Variants in AFG2A observed in about 807,000 individuals in gnomAD.
AFG2A encodes the protein AAA ATPase AFG2A.
the AFG2A span, among the ~76,000 whole-genome samples, chr4:123,220,911 T>G: frequency 6.6e-6 from 1 of 152,198 alleles, no homozygotes; most frequent in Non-Finnish European, 1.5e-5. Flanking sequence ...GTGTCCTAAC[T>G]TCATAAATTT....
At chr4:123,123,267 A>G in the AFG2A span, among the ~76,000 whole-genome samples, 1 of 152,186 alleles carries the variant, frequency 6.6e-6, no homozygotes, top group South Asian at 2.1e-4. Context: ...ATTTTATTTA[A>G]TAATATCATA....
the AFG2A span, among the ~76,000 whole-genome samples, chr4:123,023,738 C>G: frequency 6.6e-6 from 1 of 152,014 alleles, no homozygotes; most frequent in Non-Finnish European, 1.5e-5. Flanking sequence ...ACACGGGCTC[C>G]GAGCAAGATG....
chr4:123,196,764 C>T, the AFG2A span, among the ~76,000 whole-genome samples: 1 of 152,254 alleles, frequency 6.6e-6, no homozygotes, highest in South Asian at 2.1e-4. Context: ...GAAACAATGT[C>T]ACTGTAATTT....
chr4:123,107,864 C>G, the AFG2A span, among the ~76,000 whole-genome samples: 2 of 152,242 alleles, frequency 1.3e-5, no homozygotes, highest in Non-Finnish European at 2.9e-5. Context: ...TGACAGCACC[C>G]AGGCTTGGCC....
chr4:123,047,382 ATCTT>A, the AFG2A span, among the ~76,000 whole-genome samples: 1 of 110,096 alleles, frequency 9.1e-6, no homozygotes, highest in South Asian at 3.8e-4. Flanking sequence ...GTTATTGGCC[ATCTT>A]TCTTTTGCGC....
chr4:123,007,427 G>A, the AFG2A span, among the ~76,000 whole-genome samples: 16 of 151,260 alleles, frequency 1.1e-4, no homozygotes, highest in South Asian at 4.2e-4. Flanking sequence ...CCACTTTTCC[G>A]TCACACACAG....
At chr4:123,141,593 C>T in the AFG2A span, among the ~76,000 whole-genome samples, 1 of 152,178 alleles carries the variant, frequency 6.6e-6, no homozygotes, top group Non-Finnish European at 1.5e-5. Flanking sequence ...CTGGGCTAAG[C>T]TATGATGTTC....
chr4:122,938,068 AAGTAAAACTT>A, the AFG2A span: 1 of 1,455,118 alleles, frequency 6.9e-7, no homozygotes, highest in Admixed American at 2.5e-5. Flanking sequence ...AATTAAAACT[AAGTAAAACTT>A]AAAATCAAAT....
the AFG2A span, among the ~76,000 whole-genome samples, chr4:123,290,258 T>C: frequency 6.6e-6 from 1 of 152,218 alleles, no homozygotes; most frequent in Non-Finnish European, 1.5e-5. Flanking sequence ...GAGGTTTTAG[T>C]CATGAATTCT....
chr4:123,104,404 C>G, the AFG2A span, among the ~76,000 whole-genome samples: 3 of 152,144 alleles, frequency 2.0e-5, no homozygotes, highest in African/African-American at 7.2e-5. Context: ...CCTCCCTACT[C>G]CCTGAGACAC....
the AFG2A span, among the ~76,000 whole-genome samples, chr4:123,071,475 C>T: frequency 9.7e-5 from 10 of 103,428 alleles, 1 homozygote; most frequent in East Asian, 6.2e-4. Context: ...AGCGAAACTC[C>T]GTCCCCCTCC....
the AFG2A span, among the ~76,000 whole-genome samples, chr4:123,136,504 T>TA: frequency 0.024 from 3,526 of 144,738 alleles, 114 homozygotes; most frequent in African/African-American, 0.077. Context: ...CCGTCTCTAC[T>TA]AAAAAAAAAA....
At chr4:122,989,350 G>A in the AFG2A span, among the ~76,000 whole-genome samples, 9 of 152,270 alleles carry the variant, frequency 5.9e-5, no homozygotes, top group South Asian at 1.9e-3. Flanking sequence ...GGGTCAGCAG[G>A]TGGATGGTCT....
the AFG2A span, among the ~76,000 whole-genome samples, chr4:123,024,674 C>T: frequency 5.9e-5 from 9 of 152,220 alleles, no homozygotes; most frequent in Admixed American, 5.2e-4. Context: ...AGCCTTAACC[C>T]CCAGCAAGGG....
At chr4:123,162,895 A>T in the AFG2A span, among the ~76,000 whole-genome samples, 2 of 152,198 alleles carry the variant, frequency 1.3e-5, no homozygotes, top group Admixed American at 1.3e-4. Context: ...ATACAGATTA[A>T]TAATAATGTT....
the AFG2A span, among the ~76,000 whole-genome samples, chr4:123,036,491 T>C: frequency 9.7e-3 from 1,470 of 152,214 alleles, 14 homozygotes; most frequent in Non-Finnish European, 0.016. Flanking sequence ...GGATGATTAT[T>C]TCGAGAGATG....
At chr4:123,235,242 A>T in the AFG2A span, among the ~76,000 whole-genome samples, 3 of 152,146 alleles carry the variant, frequency 2.0e-5, no homozygotes, top group Admixed American at 6.6e-5. Flanking sequence ...CATACTCATG[A>T]CTATTTTATG....
chr4:123,107,569 C>G, the AFG2A span, among the ~76,000 whole-genome samples: 1 of 152,308 alleles, frequency 6.6e-6, no homozygotes, highest in East Asian at 1.9e-4. Flanking sequence ...AACTGGCAGC[C>G]CAGCCCCCAG....
chr4:123,177,010 C>T, the AFG2A span, among the ~76,000 whole-genome samples: 4 of 152,206 alleles, frequency 2.6e-5, no homozygotes, highest in South Asian at 6.2e-4. Flanking sequence ...CTTGTGGGAA[C>T]TTGATTTAGC....
Sources: gnomAD v4.1 joint callset for allele counts (sites outside exome capture counted in the v4.1 genomes callset) on GRCh38, gnomAD v4.1.1 for gene constraint, MANE v1.5 for transcripts, NCBI Gene and HGNC (gene_info 2026-07-23, HGNC 2026-07-21) for gene names.